The following PDZD8 variants were observed in gnomAD, a reference collection of about 807,000 sequenced individuals.
PDZD8 encodes PDZ domain-containing protein 8.
A neutral mutation model predicts 85.8 loss-of-function variants in PDZD8; 14 were observed. The ratio of observed to expected loss-of-function variants is 0.16; its 90% CI spans 0.11 to 0.26. The LOEUF (loss-of-function observed/expected upper bound fraction) is 0.26, where lower values mean the gene tolerates loss of function less well. Among genes scored for constraint, PDZD8 ranks in the 10% least tolerant of loss-of-function variants. The probability of loss-of-function intolerance (pLI) is 1.00; values close to 1 mark genes in which losing one functional copy is unlikely to be tolerated. For synonymous variants in PDZD8, 592 were observed against 568.6 expected, an observed-to-expected ratio of 1.04 and a Z score of -0.59; for missense variants, 1,197 against 1,424.3, an observed-to-expected ratio of 0.84 and a Z score of 2.57.
At chr10:117,305,567 A>G (rs1191469760) in intron 3 of PDZD8, among the ~76,000 whole-genome samples, 2 of 152,012 alleles carry the variant, frequency 1.3e-5, no homozygotes, top group East Asian at 3.9e-4. Flanking sequence ...TGAATAGTAC[A>G]AGGAATGAAT....
Position 117,304,733 on chromosome 10 carries a change from G to A in PDZD8, c.1098+14139C>T, listed in dbSNP as rs55941369. ...AGAGATCTGATGGGTTTATCAGGGGGTTTCTGCTTTTGCTTCTTCCTCATT... is the reference window on the plus strand; with the variant it reads ...AGAGATCTGATGGGTTTATCAGGGGATTTCTGCTTTTGCTTCTTCCTCATT... On this transcript the variant is annotated intron_variant, in intron 3 of 4. Transcript: ENST00000334464. 7.9e-3 allele frequency among the ~76,000 whole-genome samples: 1,202 copies of A among 152,216 alleles called. 21 individuals carry two copies. The highest frequency in any genetic ancestry group is 0.028 in the African/African-American group (1,152 of 41,534).
rs1489634959 is a variant in PDZD8, at chr10:117,284,675, A to G, written c.2058T>C (p.Tyr686=). The change falls in exon 5 of 5, where the codon TAT becomes TAC. Residue 686 remains tyrosine (Y), a synonymous_variant. Coordinates refer to ENST00000334464, the MANE Select transcript of PDZD8 (RefSeq NM_173791.5). The stretch of plus-strand genomic sequence containing the variant: ...TTGTCCATTTTCCTAGCTTATTACG[A>G]TAAAGAATTTCTGATGATTCCCATG... ...RQTWESSEIL[Y]RNKLGKWTRT... is the part of the protein sequence containing the mutation. 2 of 1,614,202 alleles carry G rather than the reference A, an allele frequency of 1.2e-6. No homozygotes were observed. The highest frequency in any genetic ancestry group is 1.7e-5 in the Admixed American group (1 of 60,030).
intron 3 of PDZD8, among the ~76,000 whole-genome samples, chr10:117,294,495 ACT>A (rs1843723677): frequency 6.6e-6 from 1 of 152,182 alleles, no homozygotes; most frequent in Non-Finnish European, 1.5e-5. Context: ...CAATAATCCC[ACT>A]ATTGGGTATA....
Position 117,339,639 on chromosome 10 carries a change from G to A in PDZD8, c.995+1341C>T, listed in dbSNP as rs183481653. Reference sequence around the variant, plus strand: ...GAAAATTACAAAATTCATATACAAAGTTTTACTGGCACACAGCCACATTCA... The same window carrying A: ...GAAAATTACAAAATTCATATACAAAATTTTACTGGCACACAGCCACATTCA... On this transcript the variant is annotated intron_variant, in intron 2 of 4. Transcript: ENST00000334464. 1.6e-3 allele frequency among the ~76,000 whole-genome samples: 246 copies of A among 152,284 alleles called. 1 individual carries two copies. The highest frequency in any genetic ancestry group is 3.1e-3 in the Non-Finnish European group (209 of 68,012).
At chr10:117,366,239 C>T (rs1224865868) in intron 1 of PDZD8, among the ~76,000 whole-genome samples, 1 of 152,004 alleles carries the variant, frequency 6.6e-6, no homozygotes. Flanking sequence ...TTGTATACTT[C>T]TGTTTGTGTT....
At chr10:117,321,726 A>G (rs1402576337) in intron 2 of PDZD8, among the ~76,000 whole-genome samples, 1 of 152,164 alleles carries the variant, frequency 6.6e-6, no homozygotes, top group Non-Finnish European at 1.5e-5. Flanking sequence ...GTAAGGTTAC[A>G]TTTAAAGTTT....
chr10:117,374,874 C>A lies in PDZD8; in HGVS notation c.354G>T (p.Trp118Cys). The change falls in exon 1 of 5, where the codon TGG becomes TGT. Residue 118 changes from tryptophan to cysteine, a missense_variant. Physicochemically the swap from Trp to Cys is radical, Grantham distance 215 (BLOSUM62 -2). Transcript: ENST00000334464. The surrounding 1 kb of genome is among the most constrained non-coding windows in gnomAD (Gnocchi z 7.8). ...ELRDTALTRR[W>C]VTKKIKVEFE... The stretch of plus-strand genomic sequence containing the variant: ...ACTCCACCTTGATCTTCTTGGTGAC[C>A]CAGCGGCGGGTCAGCGCGGTGTCCC... The A allele has an allele frequency of 6.2e-7, 1 of 1,613,716 alleles. No individual in the cohort carries two copies. Among genetic ancestry groups the A allele is most frequent in the Non-Finnish European group, 8.5e-7 (1 of 1,179,916 alleles).
chr10:117,331,575 C>T (rs1403361401), intron 2 of PDZD8, among the ~76,000 whole-genome samples: 1 of 152,118 alleles, frequency 6.6e-6, no homozygotes, highest in Non-Finnish European at 1.5e-5. Flanking sequence ...AGACACAATC[C>T]TCTTTTAAAT....
intron 3 of PDZD8, among the ~76,000 whole-genome samples, chr10:117,294,326 A>G (rs1446853160): frequency 1.8e-4 from 4 of 22,316 alleles, no homozygotes; most frequent in Non-Finnish European, 5.5e-4. Context: ...TACCAAAAAG[A>G]CAAAAAAAAA....
intron 2 of PDZD8, among the ~76,000 whole-genome samples, chr10:117,325,511 T>C (rs1232913691): frequency 2.0e-5 from 3 of 151,118 alleles, no homozygotes; most frequent in Non-Finnish European, 4.4e-5. Flanking sequence ...CAAGCAATTC[T>C]TGTGCCTGAA....
At chr10:117,367,471 C>G (rs1008197155) in intron 1 of PDZD8, among the ~76,000 whole-genome samples, 8 of 152,120 alleles carry the variant, frequency 5.3e-5, no homozygotes, top group African/African-American at 1.9e-4. Flanking sequence ...ATTCTCCCCT[C>G]AATGAATAAA....
chr10:117,292,523 C>T (rs959303338), intron 3 of PDZD8, among the ~76,000 whole-genome samples: 5 of 151,442 alleles, frequency 3.3e-5, no homozygotes, highest in African/African-American at 1.2e-4. Context: ...AAAACCTAAA[C>T]AGTGTAAGTC....
intron 1 of PDZD8, among the ~76,000 whole-genome samples, chr10:117,349,314 T>G (rs1046938571): frequency 6.6e-6 from 1 of 152,124 alleles, no homozygotes; most frequent in African/African-American, 2.4e-5. Flanking sequence ...TCTGAAAATC[T>G]GAGTAAGGCA....
In PDZD8 at chr10:117,283,463, A is replaced by T; in HGVS notation, c.3270T>A (p.Leu1090=). 1 of 1,614,118 alleles carries T rather than the reference A, an allele frequency of 6.2e-7. No individual in the cohort carries two copies. Among genetic ancestry groups the T allele is most frequent in the South Asian group, 1.1e-5 (1 of 91,076 alleles). Residue 1090 remains leucine (L), a synonymous_variant, in exon 5 of 5, where the codon CTT becomes CTA. Coordinates refer to ENST00000334464, the MANE Select transcript of PDZD8 (RefSeq NM_173791.5). Reference sequence around the variant, plus strand: ...CAATGCCTGCTCTGTAGTGAATCATAAGAAGTGTTAGAGCTTGTAGCCTTT... The same window carrying T: ...CAATGCCTGCTCTGTAGTGAATCATTAGAAGTGTTAGAGCTTGTAGCCTTT... The part of the protein sequence containing the change: ...SGERLQALTL[L]MIHYRAGIED...
At chr10:117,329,450 C>A (rs1047774876) in intron 2 of PDZD8, among the ~76,000 whole-genome samples, 4 of 151,914 alleles carry the variant, frequency 2.6e-5, no homozygotes, top group Admixed American at 2.6e-4. Context: ...CATGATTAAC[C>A]CATTTATACC....
At chr10:117,333,195 T>TA (rs1160789958) in intron 2 of PDZD8, among the ~76,000 whole-genome samples, 1 of 149,648 alleles carries the variant, frequency 6.7e-6, no homozygotes, top group Non-Finnish European at 1.5e-5. Flanking sequence ...ACTCTGGAGT[T>TA]AGACAAAACT....
chr10:117,346,214 C>T (rs1445671610), intron 1 of PDZD8, among the ~76,000 whole-genome samples: 1 of 106,628 alleles, frequency 9.4e-6, no homozygotes, highest in Non-Finnish European at 1.8e-5. Context: ...GCCTAGGCAA[C>T]AAGAGCGAAA....
intron 3 of PDZD8, among the ~76,000 whole-genome samples, chr10:117,309,760 T>C (rs991959364): frequency 2.0e-5 from 3 of 152,184 alleles, no homozygotes; most frequent in African/African-American, 4.8e-5. Flanking sequence ...TGCTAAATAC[T>C]GTGCTGGACA....
intron 1 of PDZD8, among the ~76,000 whole-genome samples, chr10:117,350,345 A>G (rs1844784264): frequency 6.7e-6 from 1 of 149,806 alleles, no homozygotes; most frequent in African/African-American, 2.4e-5. Flanking sequence ...GCTCACTGCA[A>G]CTTCTGCCTC....
Sources: allele counts gnomAD v4.1 joint callset (sites outside exome capture counted in the v4.1 genomes callset), GRCh38; gene constraint gnomAD v4.1.1; non-coding constraint Gnocchi (gnomAD v3.1); transcripts MANE v1.5; gene names NCBI Gene and HGNC (gene_info 2026-07-23, HGNC 2026-07-21).